The following NPR3 variants were observed in gnomAD, a reference collection of about 807,000 sequenced individuals.
The protein encoded by NPR3 is natriuretic peptide receptor 3.
In NPR3, 34 loss-of-function variants were observed where a neutral mutation model predicts 54.5. That is an observed-to-expected ratio of 0.62 (90% CI 0.47 to 0.83). The LOEUF (loss-of-function observed/expected upper bound fraction) is 0.83, where lower values mean the gene tolerates loss of function less well. Ranked by LOEUF, NPR3 falls within the 40% of genes least tolerant of loss-of-function variation. NPR3 has a pLI of 0.00. For synonymous variants in NPR3, 289 were observed against 297.1 expected (o/e 0.97, Z 0.28); for missense variants, 674 against 720.8 (o/e 0.94, Z 0.74).
intron 2 of NPR3, among the ~76,000 whole-genome samples, chr5:32,734,340 C>A (rs1490935173): frequency 2.0e-5 from 3 of 152,256 alleles, no homozygotes; most frequent in African/African-American, 4.8e-5. Flanking sequence ...GCCACTCATT[C>A]AGGTGATATA....
chr5:32,773,728 A>G (rs1741890964), intron 3 of NPR3, among the ~76,000 whole-genome samples: 1 of 152,218 alleles, frequency 6.6e-6, no homozygotes, highest in African/African-American at 2.4e-5. Flanking sequence ...ACAGACTTCG[A>G]ACACAGCACA....
chr5:32,738,871 C>T lies in NPR3; in HGVS notation c.900C>T (p.Gly300=), dbSNP rs762023020. The T allele has an allele frequency of 6.2e-7, 1 of 1,613,084 alleles. No homozygotes were observed. The highest frequency in any genetic ancestry group is 8.5e-7 in the Non-Finnish European group (1 of 1,179,348). The change falls in exon 3 of 8, where the codon GGC becomes GGT. Residue 300 remains glycine (G), a synonymous_variant. Transcript: ENST00000265074. ...TTTTTATTTCTTCCATAGGAGATGG[C>T]TCATGGAAGAGAGGAGACAAACACG... The part of the protein sequence containing the change: ...ELFNSSSYGD[G]SWKRGDKHDF...
rs964095281 is a variant in NPR3 at position 32,789,259 on chromosome 5, G to T, written c.*2914G>T. 2 of 406,180 alleles carry T rather than the reference G, an allele frequency of 4.9e-6. No homozygotes were observed. The highest frequency in any genetic ancestry group is 1.2e-4 in the East Asian group (2 of 16,470). The allele number at this position is 406,180 out of a possible 1,614,324, so 25.2% of individuals were successfully genotyped here. ...GTTGGAAATAAGTGTCTGTCTTATG[G>T]TCATCATTGTCTTCTTAGATTTTTG... On this transcript the variant is annotated 3_prime_UTR_variant, in exon 8 of 8. Transcript: ENST00000265074.
chr5:32,747,019 T>C (rs189554025), intron 3 of NPR3, among the ~76,000 whole-genome samples: 10 of 152,334 alleles, frequency 6.6e-5, no homozygotes, highest in Admixed American at 2.0e-4. Context: ...ACTTTCTAGA[T>C]TGAAAGGGCC....
chr5:32,721,924 G>T (rs1192866954), intron 1 of NPR3, among the ~76,000 whole-genome samples: 1 of 152,166 alleles, frequency 6.6e-6, no homozygotes, highest in Non-Finnish European at 1.5e-5. Flanking sequence ...ATGTGTGCCA[G>T]CTCAGGTCTC....
In NPR3 at chr5:32,787,545, C is replaced by T. The variant is rs1021373397; in HGVS notation, c.*1200C>T. 24 of 152,186 alleles carry T rather than the reference C, an allele frequency of 1.6e-4. No homozygotes were observed. The highest frequency in any genetic ancestry group is 5.3e-4 in the African/African-American group (22 of 41,454). 9.4% of individuals were successfully genotyped at this position (152,186 alleles called of 1,614,324 possible). On this transcript the variant is annotated 3_prime_UTR_variant, in exon 8 of 8. Coordinates refer to ENST00000265074, the MANE Select transcript of NPR3 (RefSeq NM_001204375.2). ...ACAAATTTAAAACTTTTACACATGG[C>T]ATTTACCAAAATTCCCAGTGATTAT...
rs1186029286 is a variant in NPR3, at chr5:32,787,040, C to T, written c.*695C>T. 6.6e-6 allele frequency: 1 copy of T among 152,220 alleles called. No individual in the cohort carries two copies. Among genetic ancestry groups the T allele is most frequent in the Non-Finnish European group, 1.5e-5 (1 of 67,950 alleles). 9.4% of individuals were successfully genotyped at this position (152,220 alleles called of 1,614,324 possible). ...CTTTTTGATGTAAAAAAAAAAAGCC[C>T]TATTTCGCACTAACATTTTATTTTA... On this transcript the variant is annotated 3_prime_UTR_variant, in exon 8 of 8. Coordinates refer to ENST00000265074, the MANE Select transcript of NPR3 (RefSeq NM_001204375.2).
intron 4 of NPR3, among the ~76,000 whole-genome samples, chr5:32,777,649 C>T (rs1178986364): frequency 2.0e-5 from 3 of 152,168 alleles, no homozygotes; most frequent in African/African-American, 7.2e-5. Context: ...AGAGGTTGAG[C>T]TCCAGCTAGA....
At chr5:32,710,613 A>C (rs2111832819), upstream of NPR3, 3 of 1,423,028 alleles carry the variant, frequency 2.1e-6, no homozygotes, top group Admixed American at 3.0e-5. Flanking sequence ...GGGGCTGAGG[A>C]AGGCGGGGTG....
rs1014959976 is a variant in NPR3, at chr5:32,787,198, CTT to C, written c.*857_*858del. 1 of 152,556 alleles carries C rather than the reference CTT, an allele frequency of 6.6e-6. No homozygotes were observed. The highest frequency in any genetic ancestry group is 2.4e-5 in the African/African-American group (1 of 41,404). The allele number at this position is 152,556 out of a possible 1,614,324, so 9.5% of individuals were successfully genotyped here. ...ACCAATAATGATAAAAAATACTTCT[CTT>C]TTTCTCCCTGTTTCCCTTTTTCCCT... On this transcript the variant is annotated 3_prime_UTR_variant, in exon 8 of 8. Coordinates refer to ENST00000265074, the MANE Select transcript of NPR3 (RefSeq NM_001204375.2).
intron 3 of NPR3, among the ~76,000 whole-genome samples, chr5:32,756,064 T>C (rs1372801218): frequency 6.6e-6 from 1 of 152,222 alleles, no homozygotes; most frequent in Non-Finnish European, 1.5e-5. Context: ...AATAAACATA[T>C]GTGTGCATGT....
In NPR3 at chr5:32,769,714, G is replaced by A. The variant is rs148038126; in HGVS notation, c.1060-4994G>A. Among the ~76,000 whole-genome samples the A allele has an allele frequency of 1.6e-3, 251 of 152,266 alleles. 1 individual carries two copies. Among genetic ancestry groups the A allele is most frequent in the Admixed American group, 4.4e-3 (68 of 15,294 alleles). ...GACAGCCTAGCTAAGCATTGAACTC[G>A]GTCACTTTCTTCCAGCAGCCTCTAT... On this transcript the variant is annotated intron_variant, in intron 3 of 7. Transcript: ENST00000265074.
chr5:32,736,819 C>T (rs980242006), intron 2 of NPR3, among the ~76,000 whole-genome samples: 1 of 152,138 alleles, frequency 6.6e-6, no homozygotes, highest in Non-Finnish European at 1.5e-5. Flanking sequence ...TCAAGTTTTG[C>T]TCGGTGGCCT....
chr5:32,743,737 C>T (rs1740149136), intron 3 of NPR3, among the ~76,000 whole-genome samples: 1 of 152,060 alleles, frequency 6.6e-6, no homozygotes, highest in Non-Finnish European at 1.5e-5. Context: ...AATTAGCTTC[C>T]CTGAGTCCAG....
At chr5:32,768,069 C>A (rs1259081437) in intron 3 of NPR3, among the ~76,000 whole-genome samples, 1 of 152,194 alleles carries the variant, frequency 6.6e-6, no homozygotes. Flanking sequence ...TCCTGCTCCT[C>A]TTCCCGCCCT....
chr5:32,743,338 G>A (rs1221689732), intron 3 of NPR3, among the ~76,000 whole-genome samples: 1 of 152,056 alleles, frequency 6.6e-6, no homozygotes, highest in Non-Finnish European at 1.5e-5. Flanking sequence ...ATATTGACAC[G>A]GATGCAATGC....
At chr5:32,735,675 CTTCTG>C (rs935440422) in intron 2 of NPR3, among the ~76,000 whole-genome samples, 2 of 152,158 alleles carry the variant, frequency 1.3e-5, no homozygotes, top group African/African-American at 2.4e-5. Flanking sequence ...TCATATCACT[CTTCTG>C]TTCTGCTCAT....
intron 3 of NPR3, among the ~76,000 whole-genome samples, chr5:32,757,586 C>G (rs1212332233): frequency 6.6e-6 from 1 of 152,122 alleles, no homozygotes; most frequent in African/African-American, 2.4e-5. Context: ...ATTGAATACC[C>G]TTTATTTCTT....
At chr5:32,693,541 TA>T (rs1455113546) in intron 1 of NPR3, among the ~76,000 whole-genome samples, 1 of 152,244 alleles carries the variant, frequency 6.6e-6, no homozygotes, top group Non-Finnish European at 1.5e-5. Flanking sequence ...AAATGATTTT[TA>T]TAAGGTGTTT....
Sources: allele counts gnomAD v4.1 joint callset (sites outside exome capture counted in the v4.1 genomes callset), GRCh38; gene constraint gnomAD v4.1.1; transcripts MANE v1.5; gene names NCBI Gene and HGNC (gene_info 2026-07-23, HGNC 2026-07-21).